The following RHBDD1 variants were observed in gnomAD, a reference collection of about 807,000 sequenced individuals.
RHBDD1 encodes the protein rhomboid domain containing 1.
In RHBDD1, 38 loss-of-function variants were observed where a neutral mutation model predicts 36.3. The ratio of observed to expected loss-of-function variants is 1.05; its 90% CI spans 0.81 to 1.37. The LOEUF (loss-of-function observed/expected upper bound fraction) is 1.37, where lower values mean the gene tolerates loss of function less well. RHBDD1 is among the 40% of genes most tolerant of loss of function. RHBDD1 has a pLI of 0.00. For synonymous variants in RHBDD1, 151 were observed against 136.5 expected (o/e 1.11, Z -0.74); for missense variants, 393 against 377.6 (o/e 1.04, Z -0.34).
chr2:226,842,480 G>T (rs915596745), intron 3 of RHBDD1, among the ~76,000 whole-genome samples: 2 of 151,956 alleles, frequency 1.3e-5, no homozygotes, highest in African/African-American at 4.8e-5. Context: ...AATATAAGGG[G>T]TCTAGTTTCA....
chr2:226,852,670 A>G (rs1322699621), intron 3 of RHBDD1, among the ~76,000 whole-genome samples: 2 of 152,162 alleles, frequency 1.3e-5, no homozygotes, highest in Non-Finnish European at 2.9e-5. Flanking sequence ...ACTTAGTTAT[A>G]GCAGCCTGAA....
intron 8 of RHBDD1, among the ~76,000 whole-genome samples, chr2:226,960,741 T>C (rs1006264608): frequency 6.6e-6 from 1 of 152,140 alleles, no homozygotes; most frequent in Non-Finnish European, 1.5e-5. Context: ...AGAAATAAGA[T>C]GTTTGAGTTG....
intron 8 of RHBDD1, among the ~76,000 whole-genome samples, chr2:226,959,957 G>T (rs148660637): frequency 5.3e-5 from 8 of 152,154 alleles, no homozygotes; most frequent in African/African-American, 1.9e-4. Flanking sequence ...CGAGTAGCTG[G>T]GACTACAGGC....
the RHBDD1 span, among the ~76,000 whole-genome samples, chr2:226,811,264 T>C: frequency 2.6e-5 from 4 of 152,138 alleles, no homozygotes; most frequent in African/African-American, 7.2e-5. Context: ...AGCACTTTAG[T>C]CATGCAGGTG....
chr2:226,993,309 CAG>C (rs1958682518), intron 8 of RHBDD1, among the ~76,000 whole-genome samples: 1 of 152,220 alleles, frequency 6.6e-6, no homozygotes, highest in African/African-American at 2.4e-5. Context: ...GGCCTGGAGT[CAG>C]GGTGCCACGT....
chr2:226,987,861 T>C (rs1472818584), intron 8 of RHBDD1, among the ~76,000 whole-genome samples: 7 of 152,284 alleles, frequency 4.6e-5, no homozygotes, highest in Admixed American at 3.9e-4. Context: ...GAATCTGTGG[T>C]GAGGGGGTGG....
chr2:226,974,306 C>T (rs1039660489), intron 8 of RHBDD1, among the ~76,000 whole-genome samples: 6 of 151,116 alleles, frequency 4.0e-5, no homozygotes, highest in African/African-American at 9.8e-5. Context: ...GGTGTGATCT[C>T]GGCTCATTGC....
intron 8 of RHBDD1, among the ~76,000 whole-genome samples, chr2:226,963,249 AG>A (rs1322603223): frequency 1.3e-5 from 2 of 152,202 alleles, no homozygotes; most frequent in Non-Finnish European, 2.9e-5. Context: ...AAATCAGTAA[AG>A]CACCTTTTCT....
rs1027981694 is a variant in RHBDD1, at chr2:226,883,358, A to G, written c.566+16040A>G. Reference sequence around the variant, plus strand: ...CACGTCATACACAGAGGTGGAATTAAACCACATCGATATGAGACATTTCTA... The same window carrying G: ...CACGTCATACACAGAGGTGGAATTAGACCACATCGATATGAGACATTTCTA... On this transcript the variant is annotated intron_variant, in intron 5 of 8. Coordinates refer to ENST00000392062, the MANE Select transcript of RHBDD1 (RefSeq NM_001167608.3). 2.0e-5 allele frequency among the ~76,000 whole-genome samples: 3 copies of G among 152,348 alleles called. No homozygotes were observed. The East Asian group carries it at 5.8e-4, about 29-fold the overall frequency.
At chr2:226,947,293 A>C (rs1951051458) in intron 8 of RHBDD1, among the ~76,000 whole-genome samples, 2 of 151,888 alleles carry the variant, frequency 1.3e-5, no homozygotes, top group South Asian at 4.2e-4. Context: ...GGTGTAAGGA[A>C]GGGATCCAGT....
At chr2:226,906,376 T>C (rs1162786334) in intron 5 of RHBDD1, among the ~76,000 whole-genome samples, 1 of 152,154 alleles carries the variant, frequency 6.6e-6, no homozygotes, top group East Asian at 1.9e-4. Context: ...TGCCCTGCCA[T>C]AACACAGATA....
intron 4 of RHBDD1, among the ~76,000 whole-genome samples, chr2:226,865,877 A>G (rs1344493113): frequency 6.6e-6 from 1 of 152,276 alleles, no homozygotes; most frequent in Admixed American, 6.5e-5. Flanking sequence ...GAGGGGGAGA[A>G]CTACATAGGT....
At chr2:226,832,328 T>C (rs904525170), upstream of RHBDD1, among the ~76,000 whole-genome samples, 1 of 152,256 alleles carries the variant, frequency 6.6e-6, no homozygotes, top group Admixed American at 6.5e-5. Context: ...TTAATTCCAC[T>C]GTAACTGGAG....
At chr2:226,828,492 A>AT in the RHBDD1 span, among the ~76,000 whole-genome samples, 1 of 152,230 alleles carries the variant, frequency 6.6e-6, no homozygotes, top group Non-Finnish European at 1.5e-5. Flanking sequence ...AAAAAACTGC[A>AT]TAACTATTTT....
At chr2:226,946,483 T>C (rs1237418907) in intron 8 of RHBDD1, among the ~76,000 whole-genome samples, 2 of 152,006 alleles carry the variant, frequency 1.3e-5, no homozygotes, top group South Asian at 2.1e-4. Flanking sequence ...AGACAAGAAA[T>C]TACTAAGATC....
At chr2:226,952,831 G>A (rs1273476694) in intron 8 of RHBDD1, among the ~76,000 whole-genome samples, 3 of 152,068 alleles carry the variant, frequency 2.0e-5, no homozygotes, top group African/African-American at 7.2e-5. Flanking sequence ...AGAGGGGGTG[G>A]AGGGAACTAG....
intron 5 of RHBDD1, among the ~76,000 whole-genome samples, chr2:226,877,556 T>C (rs2125355151): frequency 6.6e-6 from 1 of 151,554 alleles, no homozygotes; most frequent in South Asian, 2.1e-4. Context: ...TTTCCTTTTT[T>C]TTTTTTTTTT....
chr2:226,950,059 G>A (rs967786429), intron 8 of RHBDD1, among the ~76,000 whole-genome samples: 1 of 152,146 alleles, frequency 6.6e-6, no homozygotes, highest in African/African-American at 2.4e-5. Context: ...TAGTTTTTGT[G>A]ATAAGAGCCC....
chr2:226,986,773 G>A (rs1345759491), intron 8 of RHBDD1, among the ~76,000 whole-genome samples: 7 of 152,220 alleles, frequency 4.6e-5, no homozygotes, highest in Non-Finnish European at 8.8e-5. Flanking sequence ...ATAGTGTGGC[G>A]ATTCCTCAAG....
Sources: gnomAD v4.1 joint callset for allele counts (sites outside exome capture counted in the v4.1 genomes callset) on GRCh38, gnomAD v4.1.1 for gene constraint, MANE v1.5 for transcripts, NCBI Gene and HGNC (gene_info 2026-07-23, HGNC 2026-07-21) for gene names.